The following RANBP10 variants were observed in gnomAD, a reference collection of about 807,000 sequenced individuals.
The protein encoded by RANBP10 is ran-binding protein 10.
Under a neutral mutation model 72.8 loss-of-function variants are expected in RANBP10, and 24 were observed. The ratio of observed to expected loss-of-function variants is 0.33; its 90% CI spans 0.24 to 0.46. RANBP10 has a LOEUF of 0.46. Ranked by LOEUF, RANBP10 falls within the 20% of genes least tolerant of loss-of-function variation. The pLI is 1.00. For synonymous variants in RANBP10, 310 were observed against 322.3 expected (o/e 0.96, Z 0.41); for missense variants, 679 against 817.5 (o/e 0.83, Z 2.07).
At chr16:67,731,632 C>A (rs771383226) in intron 6 of RANBP10, 48 bp from the exon 7 acceptor site, 22 of 1,412,910 alleles carry the variant, frequency 1.6e-5, no homozygotes, top group Non-Finnish European at 2.2e-5. Context: ...CTGCACTTCT[C>A]ACTGACTACC....
Position 67,735,190 on chromosome 16 carries a change from A to G in RANBP10, c.592-148T>C, listed in dbSNP as rs8046195. ...AGGCAGGGCGGAGCCACCTCTGTCC[A>G]CCTCCCTAGCAGAGACATTATGCCC... On this transcript the variant is annotated intron_variant, in intron 5 of 13. Transcript: ENST00000317506. 3,246 of 716,034 alleles carry G rather than the reference A, an allele frequency of 4.5e-3. 64 individuals are homozygous for G. The African/African-American group carries it at 0.047, about 10-fold the overall frequency. 44.4% of individuals were successfully genotyped at this position (716,034 alleles called of 1,614,324 possible). A position where few individuals can be genotyped will look rare whatever the true frequency, so the allele number is the denominator to read the frequency against.
chr16:67,738,074 G>A (rs1053673511), intron 4 of RANBP10, 39 bp from the exon 5 acceptor site: 17 of 1,561,524 alleles, frequency 1.1e-5, no homozygotes, highest in Admixed American at 1.9e-5. Flanking sequence ...GCCAGCCCCT[G>A]GGGCTACTCT....
chr16:67,778,738 T>C (rs2054756911), intron 2 of RANBP10, among the ~76,000 whole-genome samples: 1 of 152,112 alleles, frequency 6.6e-6, no homozygotes, highest in Non-Finnish European at 1.5e-5. Context: ...AAGGTGTACA[T>C]GTGGCCAGCA....
intron 2 of RANBP10, among the ~76,000 whole-genome samples, chr16:67,786,627 C>T (rs7204679): frequency 0.07 from 10,613 of 152,154 alleles, 523 homozygotes; most frequent in Middle Eastern, 0.19. Flanking sequence ...CCTAGAATAG[C>T]TATAATTTAA....
chr16:67,779,503 C>CA (rs1033090211), intron 2 of RANBP10, among the ~76,000 whole-genome samples: 5 of 152,052 alleles, frequency 3.3e-5, no homozygotes, highest in African/African-American at 4.8e-5. Flanking sequence ...ACCTCAAACT[C>CA]ATTCTCCTGT....
rs900439080 is a variant in RANBP10 at position 67,736,343 on chromosome 16, C to A, written c.592-1301G>T. ...CGCCCGGCTAATTTTGTATTTTTAG[C>A]AGAGATGGGGTTTCTCCATGTTGGT... On this transcript the variant is annotated intron_variant, in intron 5 of 13. Coordinates refer to ENST00000317506, the MANE Select transcript of RANBP10 (RefSeq NM_020850.3). Among the ~76,000 whole-genome samples the A allele has an allele frequency of 2.0e-4, 31 of 152,152 alleles. 1 individual carries two copies. The highest frequency in any genetic ancestry group is 6.2e-4 in the South Asian group (3 of 4,826).
At position 67,805,539 on chromosome 16, in the gene RANBP10, C is replaced by T; in HGVS notation, c.236G>A (p.Gly79Asp). The stretch of plus-strand genomic sequence containing the variant: ...CGCATCTTTGTGATTTTTGCCATGA[C>T]CTAACAGGAGAGGGCAAGTAAGAAA... ...SQGNLRVHYKGHGKNHKDAAS... is the reference protein window; with the variant it reads ...SQGNLRVHYKDHGKNHKDAAS... The change falls in exon 2 of 14, where the codon GGT becomes GAT. Residue 79 changes from glycine (G) to aspartate (D), a missense_variant and splice_region_variant. Coordinates refer to ENST00000317506, the MANE Select transcript of RANBP10 (RefSeq NM_020850.3). 4 of 1,613,488 alleles carry T rather than the reference C, an allele frequency of 2.5e-6. No individual in the cohort carries two copies. The highest frequency in any genetic ancestry group is 3.4e-6 in the Non-Finnish European group (4 of 1,179,672).
chr16:67,770,604 G>T (rs1316635322), intron 3 of RANBP10, among the ~76,000 whole-genome samples: 1 of 152,186 alleles, frequency 6.6e-6, no homozygotes, highest in East Asian at 1.9e-4. Context: ...TGACGTGTCA[G>T]GGAAGCCTGG....
At chr16:67,774,517 G>A (rs1302737235) in intron 2 of RANBP10, among the ~76,000 whole-genome samples, 3 of 152,176 alleles carry the variant, frequency 2.0e-5, no homozygotes, top group South Asian at 2.1e-4. Flanking sequence ...AGGTAAGATG[G>A]TGTTTATTAG....
chr16:67,800,170 C>T (rs1460985256), intron 2 of RANBP10, among the ~76,000 whole-genome samples: 2 of 151,546 alleles, frequency 1.3e-5, no homozygotes, highest in African/African-American at 2.4e-5. Flanking sequence ...ATGGGTACTG[C>T]GCCCTGGTGT....
chr16:67,776,537 C>T (rs1377614111), intron 2 of RANBP10, among the ~76,000 whole-genome samples: 1 of 146,716 alleles, frequency 6.8e-6, no homozygotes, highest in Non-Finnish European at 1.5e-5. Context: ...ACTTTGGGAG[C>T]TAAGACAGGC....
chr16:67,765,476 G>A (rs564780996), intron 3 of RANBP10, among the ~76,000 whole-genome samples: 4 of 151,980 alleles, frequency 2.6e-5, no homozygotes, highest in South Asian at 2.1e-4. Flanking sequence ...CCGATGAGCC[G>A]AGATTGTGCC....
intron 4 of RANBP10, chr16:67,744,056 T>G (rs2054020541): frequency 1.0e-6 from 1 of 976,642 alleles, no homozygotes; most frequent in Non-Finnish European, 1.2e-6. Context: ...ACCAGGATAC[T>G]GCTGTACTCT....
At chr16:67,799,251 G>A (rs1459245692) in intron 2 of RANBP10, among the ~76,000 whole-genome samples, 1 of 148,992 alleles carries the variant, frequency 6.7e-6, no homozygotes. Context: ...TTTCAGTCTG[G>A]CCCTACCGAC....
chr16:67,786,055 G>T (rs143484894), intron 2 of RANBP10, among the ~76,000 whole-genome samples: 42 of 151,784 alleles, frequency 2.8e-4, no homozygotes, highest in Non-Finnish European at 4.6e-4. Flanking sequence ...GCCAGGCATG[G>T]TAGCTCACAT....
chr16:67,773,437 T>C (rs1293497234), intron 2 of RANBP10, among the ~76,000 whole-genome samples: 3 of 152,204 alleles, frequency 2.0e-5, no homozygotes, highest in East Asian at 1.9e-4. Flanking sequence ...TATTTCTTTA[T>C]AGTAATATAA....
chr16:67,793,204 A>G (rs931922807), intron 2 of RANBP10, among the ~76,000 whole-genome samples: 5 of 152,092 alleles, frequency 3.3e-5, no homozygotes, highest in Admixed American at 2.0e-4. Flanking sequence ...ACACAAGCAT[A>G]GCAGTGTGTG....
chr16:67,740,161 G>C (rs995899233), intron 4 of RANBP10, among the ~76,000 whole-genome samples: 2 of 150,186 alleles, frequency 1.3e-5, no homozygotes, highest in African/African-American at 4.9e-5. Flanking sequence ...GGAATGCAGT[G>C]GTGTGATCTC....
In RANBP10 at chr16:67,726,233, A is replaced by C; in HGVS notation, c.*195T>G. On this transcript the variant is annotated 3_prime_UTR_variant, in exon 14 of 14. Transcript: ENST00000317506. ...TTACAGGCCGCTGCACGTGAAGGGG[A>C]GAGAGAGAGAGACTGAGCGGGGTGG... 1 of 532,458 alleles carries C rather than the reference A, an allele frequency of 1.9e-6. No individual in the cohort carries two copies. The highest frequency in any genetic ancestry group is 3.1e-6 in the Non-Finnish European group (1 of 324,614). The allele number at this position is 532,458 out of a possible 1,614,324, so 33.0% of individuals were successfully genotyped here.
Sources: gnomAD v4.1 joint callset for allele counts (sites outside exome capture counted in the v4.1 genomes callset) on GRCh38, gnomAD v4.1.1 for gene constraint, MANE v1.5 for transcripts, NCBI Gene and HGNC (gene_info 2026-07-23, HGNC 2026-07-21) for gene names.